The following GTF3C3 variants were observed in gnomAD, a reference collection of about 807,000 sequenced individuals.
GTF3C3 encodes general transcription factor IIIC subunit 3.
In GTF3C3, 75 loss-of-function variants were observed where a neutral mutation model predicts 105.2. The observed-to-expected ratio is 0.71, with a 90% CI of 0.59 to 0.86. GTF3C3 has a LOEUF of 0.86. GTF3C3 is among the 40% of genes least tolerant of loss of function. GTF3C3 has a pLI of 0.00. For synonymous variants in GTF3C3, 335 were observed against 370.4 expected (o/e 0.90, Z 1.10); for missense variants, 856 against 1,076.5 (o/e 0.80, Z 2.87).
At chr2:196,780,778 G>T in intron 8 of GTF3C3, 116 bp from the exon 9 acceptor site, 1 of 1,274,280 alleles carries the variant, frequency 7.8e-7, no homozygotes, top group Non-Finnish European at 1.1e-6. Context: ...AATTCTTAGT[G>T]TGGCCAACTC....
At chr2:196,789,823 A>G (rs1023018061) in intron 5 of GTF3C3, 56 bp downstream of exon 5, 3 of 1,132,264 alleles carry the variant, frequency 2.6e-6, no homozygotes, top group Non-Finnish European at 3.7e-6. Context: ...ACAATGATCA[A>G]AAAACCTATT....
At position 196,766,010 on chromosome 2, in the gene GTF3C3, C is replaced by CAAAAAAAAAAAA. The variant is rs11424716; in HGVS notation, c.2538+543_2538+554dup. On this transcript the variant is annotated intron_variant, in intron 17 of 17. Transcript: ENST00000263956. Reference sequence around the variant, plus strand: ...GGGCCACAGAGCAAGACTCTGTCTCCAAAAAAAAAAAAAAAAAAAAAAATT... The same window carrying CAAAAAAAAAAAA: ...GGGCCACAGAGCAAGACTCTGTCTCCAAAAAAAAAAAAAAAAAAAAAAAAAAAAAAAAAAATT... 2.3e-5 allele frequency among the ~76,000 whole-genome samples: 2 copies of CAAAAAAAAAAAA among 87,172 alleles called. 1 individual carries two copies. 57.2% of individuals were successfully genotyped at this position (87,172 alleles called of 152,430 possible).
chr2:196,796,903 C>T (rs1699656672), intron 2 of GTF3C3, among the ~76,000 whole-genome samples: 1 of 152,200 alleles, frequency 6.6e-6, no homozygotes, highest in African/African-American at 2.4e-5. Flanking sequence ...GAATAAGAAA[C>T]TGTAACCCCC....
rs1223593590 is a variant in GTF3C3 at position 196,786,387 on chromosome 2, C to T, written c.894-799G>A. Among the ~76,000 whole-genome samples, 3 of 152,166 alleles carry T rather than the reference C, an allele frequency of 2.0e-5. No individual in the cohort carries two copies. Among genetic ancestry groups the T allele is most frequent in the African/African-American group, 7.2e-5 (3 of 41,436 alleles). On this transcript the variant is annotated intron_variant, in intron 6 of 17. Coordinates refer to ENST00000263956, the MANE Select transcript of GTF3C3 (RefSeq NM_012086.5). The surrounding 1 kb of genome is among the most constrained non-coding windows in gnomAD (Gnocchi z 4.2). ...AAACCTCCAGCAGTCTCCCAGTCCC[C>T]ACTCTCAGTTGATGGCCTTGCTTGA...
Position 196,764,500 on chromosome 2 carries a change from T to C in GTF3C3, c.*63A>G. The C allele has an allele frequency of 2.0e-6, 3 of 1,469,918 alleles. No homozygotes were observed. The highest frequency in any genetic ancestry group is 2.8e-6 in the Non-Finnish European group (3 of 1,086,058). 91.1% of individuals were successfully genotyped at this position (1,469,918 alleles called of 1,614,324 possible). On this transcript the variant is annotated 3_prime_UTR_variant, in exon 18 of 18. Transcript: ENST00000263956. ...TTTTGGAGTTACAAATAATAAGCCC[T>C]GAGACAGAAGACACTGGTCCTCACA...
At chr2:196,789,144 G>T in intron 6 of GTF3C3, 60 bp downstream of exon 6, 1 of 1,327,402 alleles carries the variant, frequency 7.5e-7, no homozygotes, top group Non-Finnish European at 1.0e-6. Flanking sequence ...CCAAATATAT[G>T]CTTTGATTTG....
chr2:196,777,447 G>T (rs552913675), intron 10 of GTF3C3, among the ~76,000 whole-genome samples: 1 of 152,066 alleles, frequency 6.6e-6, no homozygotes, highest in Non-Finnish European at 1.5e-5. Flanking sequence ...CAATACATGC[G>T]ATCATTTGAA....
intron 10 of GTF3C3, chr2:196,778,284 C>T (rs896437257): frequency 2.0e-5 from 3 of 151,950 alleles, no homozygotes; most frequent in African/African-American, 7.3e-5. Context: ...TGCCATCACA[C>T]AGTATTTGAA....
intron 6 of GTF3C3, 47 bp downstream of exon 6, chr2:196,789,157 A>G: frequency 6.8e-7 from 1 of 1,467,188 alleles, no homozygotes; most frequent in Non-Finnish European, 9.3e-7. Context: ...TTGATTTGCA[A>G]AACAAGATTA....
rs772372204 is a variant in GTF3C3 at position 196,776,470 on chromosome 2, T to C, written c.1550A>G (p.Tyr517Cys). 3 of 1,614,166 alleles carry C rather than the reference T, an allele frequency of 1.9e-6. No individual in the cohort carries two copies. Among genetic ancestry groups the C allele is most frequent in the Admixed American group, 1.7e-5 (1 of 60,028 alleles). Reference protein sequence around the residue: ...EKALEALEPMYDPDTLAQDAN... With the variant: ...EKALEALEPMCDPDTLAQDAN... ...ATCCTGTGCTAAAGTATCTGGATCATACATTGGTTCCAGAGCTTCCAGAGC... is the reference window on the plus strand; with the variant it reads ...ATCCTGTGCTAAAGTATCTGGATCACACATTGGTTCCAGAGCTTCCAGAGC... The change falls in exon 11 of 18, where the codon TAT becomes TGT. Residue 517 changes from tyrosine to cysteine, a missense_variant. By Grantham distance (194) the Tyr-to-Cys change is radical. This residue lies in a region of GTF3C3 where 605 missense variants were observed against 833.6 expected (regional missense o/e 0.73). Coordinates refer to ENST00000263956, the MANE Select transcript of GTF3C3 (RefSeq NM_012086.5). The surrounding 1 kb of genome is among the most constrained non-coding windows in gnomAD (Gnocchi z 4.5).
chr2:196,782,315 C>A (rs1699380687), intron 8 of GTF3C3, among the ~76,000 whole-genome samples: 1 of 152,036 alleles, frequency 6.6e-6, no homozygotes, highest in East Asian at 1.9e-4. Flanking sequence ...CAATAAATTT[C>A]TGTTGTTTAT....
chr2:196,778,564 A>G (rs557518919), intron 10 of GTF3C3: 7 of 265,898 alleles, frequency 2.6e-5, no homozygotes, highest in Non-Finnish European at 2.9e-5. Context: ...ATATAAATCT[A>G]TAAAAACTCT....
chr2:196,765,091 A>AAC (rs1699038416), intron 17 of GTF3C3, among the ~76,000 whole-genome samples: 3 of 152,252 alleles, frequency 2.0e-5, no homozygotes, highest in African/African-American at 7.2e-5. Context: ...GTGTAAAAAT[A>AAC]ACATAGTATT....
Position 196,776,801 on chromosome 2 carries a change from A to C in GTF3C3, c.1391-172T>G, listed in dbSNP as rs535079142. On this transcript the variant is annotated intron_variant, in intron 10 of 17. Transcript: ENST00000263956. The surrounding 1 kb of genome is among the most constrained non-coding windows in gnomAD (Gnocchi z 4.5). Reference sequence around the variant, plus strand: ...TAATCTCTATTAATCAATCGATCTAATAAATTTAAATTGCTAAGGAGTAAT... The same window carrying C: ...TAATCTCTATTAATCAATCGATCTACTAAATTTAAATTGCTAAGGAGTAAT... 6.6e-6 allele frequency among the ~76,000 whole-genome samples: 1 copy of C among 152,352 alleles called. No individual in the cohort carries two copies. The highest frequency in any genetic ancestry group is 6.5e-5 in the Admixed American group (1 of 15,306).
Position 196,793,165 on chromosome 2 carries a change from A to G in GTF3C3, c.215-13T>C, listed in dbSNP as rs1226566506. On this transcript the variant is annotated splice_polypyrimidine_tract_variant and intron_variant, in intron 2 of 17. Transcript: ENST00000263956. ...TCTGATGTTTCTCCTGAGAAAAGAG[A>G]CATTGATGGGGGAGGGGTGGGGAAG... 2 of 1,565,228 alleles carry G rather than the reference A, an allele frequency of 1.3e-6. No individual in the cohort carries two copies. The highest frequency in any genetic ancestry group is 3.6e-5 in the Admixed American group (2 of 55,788).
At chr2:196,775,379 G>T in intron 12 of GTF3C3, 128 bp from the exon 13 acceptor site, 2 of 693,326 alleles carry the variant, frequency 2.9e-6, no homozygotes, top group Non-Finnish European at 4.4e-6. Flanking sequence ...CCTTAGCCTC[G>T]CAAGTAGCTG....
At chr2:196,794,083 A>G (rs1014823798) in intron 2 of GTF3C3, among the ~76,000 whole-genome samples, 7 of 152,080 alleles carry the variant, frequency 4.6e-5, no homozygotes, top group African/African-American at 1.7e-4. Context: ...TTAATGGGTT[A>G]TCATGGGAGT....
rs149591281 is a variant in GTF3C3 at position 196,791,397 on chromosome 2, G to A, written c.475C>T (p.Arg159Cys). The A allele has an allele frequency of 5.6e-6, 9 of 1,613,836 alleles. No homozygotes were observed. Among genetic ancestry groups the A allele is most frequent in the Middle Eastern group, 3.3e-4 (2 of 6,062 alleles). The change falls in exon 4 of 18, where the codon CGT becomes TGT. Residue 159 changes from arginine to cysteine, a missense_variant. By Grantham distance (180) the Arg-to-Cys change is radical (BLOSUM62 -3). Around this residue, in one of 3 missense-constraint regions of GTF3C3, gnomAD observed 605 missense variants for 833.6 expected, o/e 0.73. Coordinates refer to ENST00000263956, the MANE Select transcript of GTF3C3 (RefSeq NM_012086.5). Reference sequence around the variant, plus strand: ...TCTTCACGTTCTCCTCGAGCAAAACGAATGTTGGCTTCACCCATGAGACCT... The same window carrying A: ...TCTTCACGTTCTCCTCGAGCAAAACAAATGTTGGCTTCACCCATGAGACCT... ...LRGLMGEANI[R>C]FARGEREEAI...
intron 5 of GTF3C3, 151 bp from the exon 6 acceptor site, chr2:196,789,520 C>T (rs906971951): frequency 2.0e-5 from 12 of 591,440 alleles, no homozygotes; most frequent in Non-Finnish European, 3.2e-5. Flanking sequence ...CACAGGAACT[C>T]TTGACTAGGT....
Sources: allele counts gnomAD v4.1 joint callset (sites outside exome capture counted in the v4.1 genomes callset), GRCh38; gene constraint gnomAD v4.1.1; regional missense constraint gnomAD v4.1.1; non-coding constraint Gnocchi (gnomAD v3.1); transcripts MANE v1.5; gene names NCBI Gene and HGNC (gene_info 2026-07-23, HGNC 2026-07-21).